FMNL1: variants seen among roughly 807,000 people sequenced by gnomAD.
The protein encoded by FMNL1 is formin like 1.
A neutral mutation model predicts 121.3 loss-of-function variants in FMNL1; 43 were observed. The ratio of observed to expected loss-of-function variants is 0.35; its 90% CI spans 0.28 to 0.46. The LOEUF (loss-of-function observed/expected upper bound fraction) is 0.46. Among genes scored for constraint, FMNL1 ranks in the 20% least tolerant of loss-of-function variants. The probability of loss-of-function intolerance (pLI) is 1.00; values close to 1 mark genes in which losing one functional copy is unlikely to be tolerated. For synonymous variants in FMNL1, 613 were observed against 613.5 expected (o/e 1.00, Z 0.01); for missense variants, 1,191 against 1,482.4 (o/e 0.80, Z 3.23).
intron 1 of FMNL1, among the ~76,000 whole-genome samples, chr17:45,225,465 C>T (rs559952076): frequency 6.6e-6 from 1 of 152,242 alleles, no homozygotes; most frequent in East Asian, 1.9e-4. Context: ...GGGATGTGGC[C>T]ATGTGGTCTG....
At chr17:45,223,904 G>T (rs575342667) in intron 1 of FMNL1, among the ~76,000 whole-genome samples, 1 of 152,318 alleles carries the variant, frequency 6.6e-6, no homozygotes, top group South Asian at 2.1e-4. Context: ...GTCAAATGGT[G>T]AGGTTCTGAT....
At chr17:45,230,734 A>G in intron 2 of FMNL1, 47 bp downstream of exon 2, 1 of 1,592,136 alleles carries the variant, frequency 6.3e-7, no homozygotes, top group Non-Finnish European at 8.6e-7. Flanking sequence ...CACTGTCAGT[A>G]CCCCACCCTG....
Position 45,244,979 on chromosome 17 carries a change from C to T in FMNL1, c.2599C>T (p.Leu867=). Residue 867 remains leucine, a splice_region_variant and synonymous_variant, in exon 21 of 27, where the codon CTG becomes TTG. Coordinates refer to ENST00000331495, the MANE Select transcript of FMNL1 (RefSeq NM_005892.4). ...TGGCTTACAATGGGTCCTTGTGCAG[C>T]TGTTGGAGATGAAGTCGACTGATCG... ...YGFRLQSLDA[L]LEMKSTDRKQ... The T allele has an allele frequency of 6.2e-7, 1 of 1,613,040 alleles. No individual in the cohort carries two copies. Among genetic ancestry groups the T allele is most frequent in the Non-Finnish European group, 8.5e-7 (1 of 1,179,158 alleles).
chr17:45,237,442 A>C lies in FMNL1; in HGVS notation c.800+85A>C. 6.2e-7 allele frequency: 1 copy of C among 1,607,650 alleles called. No homozygotes were observed. Among genetic ancestry groups the C allele is most frequent in the Non-Finnish European group, 8.5e-7 (1 of 1,174,216 alleles). ...GCTTACTCTGTCCTCCAGGTCTCAG[A>C]GGCTCATTCTGCACCCACTATGCTC... On this transcript the variant is annotated intron_variant, in intron 8 of 26. Coordinates refer to ENST00000331495, the MANE Select transcript of FMNL1 (RefSeq NM_005892.4). This position sits in a 1 kb window ranked among gnomAD's most constrained non-coding sequence, Gnocchi z 4.4.
rs74893435 is a variant in FMNL1 at position 45,238,938 on chromosome 17, A to T, written c.970-17A>T. 4,291 of 1,608,186 alleles carry T rather than the reference A, an allele frequency of 2.7e-3. 75 individuals are homozygous for T. The African/African-American group carries it at 0.043, about 16-fold the overall frequency. The stretch of plus-strand genomic sequence containing the variant: ...CACCTAGAGGATCATAGATCTCCCC[A>T]TGTCCCTGGCTCCCAGGTGGCCTGC... On this transcript the variant is annotated splice_polypyrimidine_tract_variant and intron_variant, in intron 10 of 26. Transcript: ENST00000331495.
At chr17:45,230,330 AGGCCAG>A (rs1382358225) in intron 1 of FMNL1, among the ~76,000 whole-genome samples, 1 of 152,192 alleles carries the variant, frequency 6.6e-6, no homozygotes, top group Non-Finnish European at 1.5e-5. Context: ...CACACCAGGC[AGGCCAG>A]GGAGGCGGTG....
At position 45,231,757 on chromosome 17, in the gene FMNL1, G is replaced by A. The variant is rs952644101; in HGVS notation, c.214-610G>A. ...CGCAGGTTCCTGCCAACGCAGATGTGCAGGGCGGCTGGGTCCGAGTCCTAC... is the reference window on the plus strand; with the variant it reads ...CGCAGGTTCCTGCCAACGCAGATGTACAGGGCGGCTGGGTCCGAGTCCTAC... On this transcript the variant is annotated intron_variant, in intron 2 of 26. Transcript: ENST00000331495. This position sits in a 1 kb window ranked among gnomAD's most constrained non-coding sequence, Gnocchi z 4.7. 6.6e-6 allele frequency among the ~76,000 whole-genome samples: 1 copy of A among 152,138 alleles called. No individual in the cohort carries two copies. The highest frequency in any genetic ancestry group is 2.4e-5 in the African/African-American group (1 of 41,418).
chr17:45,234,338 T>A (rs758324241), intron 6 of FMNL1, 138 bp downstream of exon 6: 1 of 1,446,518 alleles, frequency 6.9e-7, no homozygotes, highest in Non-Finnish European at 9.4e-7. Context: ...AAGGGACTCA[T>A]ACAGAGTTTG....
At chr17:45,227,190 G>T (rs1450403536) in intron 1 of FMNL1, among the ~76,000 whole-genome samples, 1 of 152,132 alleles carries the variant, frequency 6.6e-6, no homozygotes, top group Non-Finnish European at 1.5e-5. Context: ...GGGCTTGAAG[G>T]GCTAGGCCAT....
rs144580030 is a variant in FMNL1 at position 45,245,795 on chromosome 17, C to T, written c.2994+62C>T. The T allele has an allele frequency of 2.8e-4, 323 of 1,157,678 alleles. 3 individuals are homozygous for T. The African/African-American group carries it at 3.6e-3, about 13-fold the overall frequency. The allele number at this position is 1,157,678 out of a possible 1,614,324, so 71.7% of individuals were successfully genotyped here. ...GCACTGAAGCCTTTCTACTGGGCAG[C>T]GGAGGGGTGGGGCTGCTTCTGTTTA... On this transcript the variant is annotated intron_variant, in intron 23 of 26. Transcript: ENST00000331495.
In FMNL1 at chr17:45,246,495, C is replaced by T. The variant is rs1239044771; in HGVS notation, c.3212-10C>T. Reference sequence around the variant, plus strand: ...CTCTACTCCCCTTCACCTGCCCCACCCCCACTCAGTGATCAAGACGGTGCC... The same window carrying T: ...CTCTACTCCCCTTCACCTGCCCCACTCCCACTCAGTGATCAAGACGGTGCC... On this transcript the variant is annotated splice_polypyrimidine_tract_variant and intron_variant, in intron 25 of 26. Transcript: ENST00000331495. 2.5e-6 allele frequency: 4 copies of T among 1,613,886 alleles called. No homozygotes were observed. Among genetic ancestry groups the T allele is most frequent in the African/African-American group, 1.3e-5 (1 of 74,926 alleles).
chr17:45,228,398 G>A (rs753016174), intron 1 of FMNL1, among the ~76,000 whole-genome samples: 5 of 152,202 alleles, frequency 3.3e-5, no homozygotes, highest in African/African-American at 1.2e-4. Context: ...GCCTCCCCTC[G>A]GCAGTAACAA....
rs1259272395 is a variant in FMNL1 at position 45,241,213 on chromosome 17, G to A, written c.1315G>A (p.Glu439Lys). The change falls in exon 13 of 27, where the codon GAG (glutamate) becomes AAG (lysine). Residue 439 changes from glutamate (E) to lysine (K), a missense_variant. Glu to Lys is a moderately conservative substitution (Grantham distance 56). Transcript: ENST00000331495. This position sits in a 1 kb window ranked among gnomAD's most constrained non-coding sequence, Gnocchi z 7.0. ...LEKQLSQARK[E>K]LETLRERFSE... ...AAAACAGCTAAGCCAGGCGCGCAAG[G>A]AGTTGGAGACCCTGCGGGTGAGGCT... 2 of 1,614,018 alleles carry A rather than the reference G, an allele frequency of 1.2e-6. No individual in the cohort carries two copies. Among genetic ancestry groups the A allele is most frequent in the African/African-American group, 2.7e-5 (2 of 74,936 alleles).
intron 2 of FMNL1, 62 bp from the exon 3 acceptor site, chr17:45,232,305 C>T: frequency 6.8e-7 from 1 of 1,470,092 alleles, no homozygotes; most frequent in Non-Finnish European, 9.5e-7. Context: ...GGGACGAGAA[C>T]TGGTCATTTG....
At chr17:45,234,374 C>T in intron 6 of FMNL1, 174 bp downstream of exon 6, 1 of 1,135,436 alleles carries the variant, frequency 8.8e-7, no homozygotes, top group South Asian at 1.4e-5. Context: ...AAGAAGCCAT[C>T]AGGGGTGGGG....
rs752076747 is a variant in FMNL1 at position 45,245,013 on chromosome 17, C to T, written c.2633C>T (p.Thr878Met). Residue 878 changes from threonine (T) to methionine (M), a missense_variant, in exon 21 of 27, where the codon ACG becomes ATG. Thr to Met is a moderately conservative substitution (Grantham distance 81, BLOSUM62 -1). This residue lies in a region of FMNL1 where 367 missense variants were observed against 528.6 expected (regional missense o/e 0.69). Coordinates refer to ENST00000331495, the MANE Select transcript of FMNL1 (RefSeq NM_005892.4). The part of the protein sequence containing the change: ...LEMKSTDRKQ[T>M]LLHYLVKVIA... ...ATGAAGTCGACTGATCGCAAGCAGA[C>T]GCTGCTGCACTACCTGGTGAAGGTC... 19 of 1,614,014 alleles carry T rather than the reference C, an allele frequency of 1.2e-5. No individual in the cohort carries two copies. The highest frequency in any genetic ancestry group is 1.5e-5 in the Non-Finnish European group (18 of 1,179,882).
At position 45,241,207 on chromosome 17, in the gene FMNL1, C is replaced by A; in HGVS notation, c.1309C>A (p.Arg437Ser). ...ACTGGAAAAACAGCTAAGCCAGGCGCGCAAGGAGTTGGAGACCCTGCGGGT... is the reference window on the plus strand; with the variant it reads ...ACTGGAAAAACAGCTAAGCCAGGCGAGCAAGGAGTTGGAGACCCTGCGGGT... ...AELEKQLSQARKELETLRERF... is the reference protein window; with the variant it reads ...AELEKQLSQASKELETLRERF... Residue 437 changes from arginine (R) to serine (S), a missense_variant, in exon 13 of 27, where the codon CGC (arginine) becomes AGC (serine). Arg to Ser is a moderately radical substitution (Grantham distance 110). Around this residue, in one of 4 missense-constraint regions of FMNL1, gnomAD observed 519 missense variants for 492.8 expected, o/e 1.05. Coordinates refer to ENST00000331495, the MANE Select transcript of FMNL1 (RefSeq NM_005892.4). The surrounding 1 kb of genome is among the most constrained non-coding windows in gnomAD (Gnocchi z 7.0). The A allele has an allele frequency of 6.2e-7, 1 of 1,614,124 alleles. No homozygotes were observed. Among genetic ancestry groups the A allele is most frequent in the South Asian group, 1.1e-5 (1 of 91,086 alleles).
chr17:45,246,193 C>T lies in FMNL1; in HGVS notation c.3091-17C>T. On this transcript the variant is annotated splice_polypyrimidine_tract_variant and intron_variant, in intron 24 of 26. Transcript: ENST00000331495. Reference sequence around the variant, plus strand: ...ATGGGGAGGCATCCTGGAGCTGGAGCTATAAATTCCCCCTAGTCACCGCCA... The same window carrying T: ...ATGGGGAGGCATCCTGGAGCTGGAGTTATAAATTCCCCCTAGTCACCGCCA... 6.3e-7 allele frequency: 1 copy of T among 1,598,088 alleles called. No individual in the cohort carries two copies. The highest frequency in any genetic ancestry group is 8.6e-7 in the Non-Finnish European group (1 of 1,169,164).
At chr17:45,236,838 G>A (rs1221390031) in intron 7 of FMNL1, among the ~76,000 whole-genome samples, 2 of 152,204 alleles carry the variant, frequency 1.3e-5, no homozygotes, top group Middle Eastern at 3.2e-3. Context: ...GAGGCCAGGC[G>A]TGGTGGCTCA....
Sources: allele counts gnomAD v4.1 joint callset (sites outside exome capture counted in the v4.1 genomes callset), GRCh38; gene constraint gnomAD v4.1.1; regional missense constraint gnomAD v4.1.1; non-coding constraint Gnocchi (gnomAD v3.1); transcripts MANE v1.5; gene names NCBI Gene and HGNC (gene_info 2026-07-23, HGNC 2026-07-21).